XDH: variants seen among roughly 807,000 people sequenced by gnomAD.
The protein encoded by XDH is xanthine dehydrogenase/oxidase.
A neutral mutation model predicts 156.1 loss-of-function variants in XDH; 138 were observed. The ratio of observed to expected loss-of-function variants is 0.88; its 90% CI spans 0.77 to 1.02. The LOEUF (loss-of-function observed/expected upper bound fraction) is 1.02, where lower values mean the gene tolerates loss of function less well. Ranked by LOEUF, XDH falls within the 50% of genes least tolerant of loss-of-function variation. The pLI is 0.00. For missense variants in XDH, 1,849 were observed against 1,684.9 expected (o/e 1.10, Z -1.71); for synonymous variants, 669 against 625.7 (o/e 1.07, Z -1.03).
chr2:31,353,051 T>C (rs1198411038), intron 24 of XDH, among the ~76,000 whole-genome samples: 10 of 149,852 alleles, frequency 6.7e-5, no homozygotes, highest in Non-Finnish European at 3.0e-5. Flanking sequence ...CAAACAAGAA[T>C]CTATACATAC....
intron 3 of XDH, 46 bp from the exon 4 acceptor site, chr2:31,401,374 C>A (rs1687054613): frequency 1.3e-6 from 2 of 1,595,506 alleles, no homozygotes; most frequent in African/African-American, 1.3e-5. Context: ...CCACTCAGAT[C>A]ATCAGAATGG....
At chr2:31,379,748 T>C (rs575215610) in intron 13 of XDH, 119 bp downstream of exon 13, 16 of 996,168 alleles carry the variant, frequency 1.6e-5, no homozygotes, top group Middle Eastern at 4.3e-4. Flanking sequence ...AGAAAAATCA[T>C]CAATGTAAAG....
Position 31,335,566 on chromosome 2 carries a change from C to A in XDH, c.*392G>T, listed in dbSNP as rs976087426. 7.8e-5 allele frequency: 24 copies of A among 306,632 alleles called. No homozygotes were observed. Among genetic ancestry groups the A allele is most frequent in the African/African-American group, 5.2e-4 (24 of 46,510 alleles). 19.0% of individuals were successfully genotyped at this position (306,632 alleles called of 1,614,324 possible). On this transcript the variant is annotated 3_prime_UTR_variant, in exon 36 of 36. Transcript: ENST00000379416. ...CAGGAAGGCACACGATTTAAAGTAA[C>A]TTCGGTTTAAGCTTCTAGAGGTTTG... is the stretch of plus-strand genomic sequence containing the variant.
intron 24 of XDH, among the ~76,000 whole-genome samples, chr2:31,352,070 C>T (rs1378673554): frequency 6.6e-6 from 1 of 151,936 alleles, no homozygotes; most frequent in Admixed American, 6.6e-5. Flanking sequence ...TTATTGATAG[C>T]TTCCCCTTCT....
intron 4 of XDH, 100 bp from the exon 5 acceptor site, chr2:31,398,799 G>T: frequency 6.3e-7 from 1 of 1,575,990 alleles, no homozygotes; most frequent in South Asian, 1.1e-5. Flanking sequence ...GATAGTGGGG[G>T]TAGTAATCAC....
chr2:31,375,461 G>C lies in XDH; in HGVS notation c.1521C>G (p.Phe507Leu), dbSNP rs745469918. 3 of 1,614,204 alleles carry C rather than the reference G, an allele frequency of 1.9e-6. No individual in the cohort carries two copies. Among genetic ancestry groups the C allele is most frequent in the Non-Finnish European group, 1.7e-6 (2 of 1,180,038 alleles). Residue 507 changes from phenylalanine to leucine, a missense_variant, in exon 15 of 36, where the codon TTC (phenylalanine) becomes TTG (leucine). By Grantham distance (22) the Phe-to-Leu change is conservative. Coordinates refer to ENST00000379416, the MANE Select transcript of XDH (RefSeq NM_000379.4). ...AGAAGCTGAGGGTGAGGGTGCACCG[G>C]AAGTCCACCATGCCACCAGGGGCAT... Reference protein sequence around the residue: ...PPDAPGGMVDFRCTLTLSFFF... With the variant: ...PPDAPGGMVDLRCTLTLSFFF...
rs1367448856 is a variant in XDH at position 31,384,113 on chromosome 2, C to T, written c.794-266G>A. ...AATTCAAATGAAATGAGTTTGAATT[C>T]ACTCTAGTGTGTGTGTGTGTGTGTG... On this transcript the variant is annotated intron_variant, in intron 9 of 35. Coordinates refer to ENST00000379416, the MANE Select transcript of XDH (RefSeq NM_000379.4). 1.8e-5 allele frequency: 4 copies of T among 220,588 alleles called. No individual in the cohort carries two copies. In the Admixed American group the frequency reaches 3.0e-4, roughly 16 times the overall value. The allele number at this position is 220,588 out of a possible 1,614,324, so 13.7% of individuals were successfully genotyped here.
At chr2:31,389,996 T>C (rs1428923363) in intron 6 of XDH, among the ~76,000 whole-genome samples, 5 of 152,200 alleles carry the variant, frequency 3.3e-5, no homozygotes, top group Non-Finnish European at 1.5e-5. Flanking sequence ...TTACAACTGA[T>C]GGACCCACAT....
intron 10 of XDH, 109 bp downstream of exon 10, chr2:31,383,646 G>A (rs1686502427): frequency 2.0e-6 from 2 of 1,014,396 alleles, no homozygotes; most frequent in South Asian, 2.7e-5. Context: ...AGGAGAAGCA[G>A]GGGGCAGCCA....
At chr2:31,361,778 T>A (rs1305826335) in intron 24 of XDH, among the ~76,000 whole-genome samples, 1 of 152,202 alleles carries the variant, frequency 6.6e-6, no homozygotes, top group Admixed American at 6.5e-5. Flanking sequence ...ATCCTCAATA[T>A]GTTTTGAGGT....
intron 6 of XDH, among the ~76,000 whole-genome samples, chr2:31,397,161 CAG>C (rs1686932463): frequency 6.6e-6 from 1 of 152,206 alleles, no homozygotes; most frequent in Non-Finnish European, 1.5e-5. Flanking sequence ...ACTTCTCACT[CAG>C]AGTTATATGA....
At chr2:31,364,625 C>T (rs548947659) in intron 23 of XDH, among the ~76,000 whole-genome samples, 2 of 152,244 alleles carry the variant, frequency 1.3e-5, no homozygotes, top group East Asian at 3.9e-4. Context: ...TGTCTCCTCA[C>T]AGATTTTGGT....
chr2:31,384,119 A>AGTGTGTGTGTGTGTGTGTGTGTGTGT (rs3065136), intron 9 of XDH: 5 of 270,520 alleles, frequency 1.8e-5, no homozygotes, highest in Admixed American at 9.4e-5. Context: ...AATTCACTCT[A>AGTGTGTGTGTGTGTGTGTGTGTGTGT]GTGTGTGTGT....
intron 1 of XDH, among the ~76,000 whole-genome samples, chr2:31,406,221 G>C (rs955623904): frequency 3.9e-5 from 6 of 152,114 alleles, no homozygotes; most frequent in Non-Finnish European, 8.8e-5. Flanking sequence ...TTGTGAATTA[G>C]TTGTCACGAG....
intron 6 of XDH, among the ~76,000 whole-genome samples, chr2:31,390,708 G>C (rs1417930345): frequency 6.6e-6 from 1 of 152,196 alleles, no homozygotes; most frequent in African/African-American, 2.4e-5. Flanking sequence ...CATTCTAATA[G>C]ACCTGTGGTG....
intron 17 of XDH, among the ~76,000 whole-genome samples, chr2:31,371,301 T>A (rs185585584): frequency 3.3e-5 from 5 of 152,232 alleles, no homozygotes; most frequent in Non-Finnish European, 7.3e-5. Flanking sequence ...CAAGAAACCC[T>A]GAAAGTACTT....
chr2:31,386,989 AAGGAAGGAAGGAAGGAAGG>A, intron 8 of XDH, among the ~76,000 whole-genome samples: 1 of 9,102 alleles, frequency 1.1e-4, no homozygotes, highest in Non-Finnish European at 2.0e-4. Context: ...GGAGGGAAGA[AAGGAAGGAAGGAAGGAAGG>A]AAGGAAGGAA....
chr2:31,384,110 A>T, intron 9 of XDH: 1 of 275,830 alleles, frequency 3.6e-6, no homozygotes. Context: ...ATGAGTTTGA[A>T]TTCACTCTAG....
At chr2:31,389,902 G>A (rs1485093102) in intron 6 of XDH, among the ~76,000 whole-genome samples, 1 of 151,864 alleles carries the variant, frequency 6.6e-6, no homozygotes, top group Non-Finnish European at 1.5e-5. Context: ...CTGAGTGGAA[G>A]ATGTAGAGAA....
Sources: gnomAD v4.1 joint callset for allele counts (sites outside exome capture counted in the v4.1 genomes callset) on GRCh38, gnomAD v4.1.1 for gene constraint, MANE v1.5 for transcripts, NCBI Gene and HGNC (gene_info 2026-07-23, HGNC 2026-07-21) for gene names.